Variants in KIAA1958 observed in about 807,000 individuals in gnomAD.
The protein encoded by KIAA1958 is uncharacterized protein KIAA1958.
Under a neutral mutation model 47.2 loss-of-function variants are expected in KIAA1958, and 14 were observed. That is an observed-to-expected ratio of 0.30 (90% confidence interval 0.20 to 0.46). The LOEUF (loss-of-function observed/expected upper bound fraction) is 0.46. Ranked by LOEUF, KIAA1958 falls within the 20% of genes least tolerant of loss-of-function variation. The pLI, the probability that KIAA1958 is intolerant of heterozygous loss-of-function variation, is 1.00. For missense variants in KIAA1958, 803 were observed against 909.2 expected, an observed-to-expected ratio of 0.88 and a Z score of 1.50; for synonymous variants, 354 against 353.3, an observed-to-expected ratio of 1.00 and a Z score of -0.02.
intron 1 of KIAA1958, among the ~76,000 whole-genome samples, chr9:112,521,158 A>G (rs1834536351): frequency 6.6e-6 from 1 of 152,136 alleles, no homozygotes; most frequent in South Asian, 2.1e-4. Flanking sequence ...TGTTTTCCTT[A>G]GGTTTTAATG....
At chr9:112,560,391 A>G (rs1469632081) in intron 1 of KIAA1958, among the ~76,000 whole-genome samples, 2 of 151,522 alleles carry the variant, frequency 1.3e-5, no homozygotes, top group Non-Finnish European at 2.9e-5. Flanking sequence ...TTATAGAGAA[A>G]GGGTCTCCAG....
In KIAA1958 at chr9:112,574,951, T is replaced by G; in HGVS notation, c.871T>G (p.Ser291Ala). 2 of 1,614,128 alleles carry G rather than the reference T, an allele frequency of 1.2e-6. No homozygotes were observed. Among genetic ancestry groups the G allele is most frequent in the Non-Finnish European group, 8.5e-7 (1 of 1,180,014 alleles). The change falls in exon 2 of 4, where the codon TCA becomes GCA. Residue 291 changes from serine to alanine, a missense_variant. Ser to Ala is a moderately conservative substitution (Grantham distance 99). Coordinates refer to ENST00000337530, the MANE Select transcript of KIAA1958 (RefSeq NM_133465.4). ...GAAGACTGCTAGGGTATCTCTGGCT[T>G]CACCAAACAGAGGACCCCCTGGTAC... Reference protein sequence around the residue: ...VQKTARVSLASPNRGPPGTHG... With the variant: ...VQKTARVSLAAPNRGPPGTHG...
intron 1 of KIAA1958, among the ~76,000 whole-genome samples, chr9:112,546,111 A>G (rs1466735475): frequency 1.3e-5 from 2 of 152,138 alleles, no homozygotes; most frequent in African/African-American, 4.8e-5. Flanking sequence ...ACAGGTCATA[A>G]AGACCCCACT....
chr9:112,490,075 C>T (rs1316536484), intron 1 of KIAA1958, among the ~76,000 whole-genome samples: 2 of 152,176 alleles, frequency 1.3e-5, no homozygotes, highest in Non-Finnish European at 2.9e-5. Flanking sequence ...CAGCTTTTAT[C>T]ATCATCCTGC....
chr9:112,591,576 G>T (rs952913454), intron 2 of KIAA1958, among the ~76,000 whole-genome samples: 1 of 151,576 alleles, frequency 6.6e-6, no homozygotes, highest in African/African-American at 2.4e-5. Flanking sequence ...TAACTGTCAT[G>T]TTAGACTACA....
In KIAA1958 at chr9:112,659,250, T is replaced by A. The variant is rs1412291184; in HGVS notation, c.1345-13T>A. The A allele has an allele frequency of 6.2e-7, 1 of 1,602,384 alleles. No homozygotes were observed. The highest frequency in any genetic ancestry group is 1.1e-5 in the South Asian group (1 of 89,812). On this transcript the variant is annotated splice_polypyrimidine_tract_variant and intron_variant, in intron 3 of 3. Transcript: ENST00000337530. ...GTGTCAAGTGTGTAACCTCCGTGTTTGTCTCATTTGAGATCCCTGCAGTGA... is the reference window on the plus strand; with the variant it reads ...GTGTCAAGTGTGTAACCTCCGTGTTAGTCTCATTTGAGATCCCTGCAGTGA...
At chr9:112,501,376 A>G (rs1834135330) in intron 1 of KIAA1958, among the ~76,000 whole-genome samples, 1 of 152,118 alleles carries the variant, frequency 6.6e-6, no homozygotes. Context: ...CCAGGAGTTC[A>G]AGGCCATGGT....
intron 1 of KIAA1958, among the ~76,000 whole-genome samples, chr9:112,553,432 G>T (rs4978499): frequency 6.6e-6 from 1 of 152,174 alleles, no homozygotes; most frequent in Admixed American, 6.5e-5. Flanking sequence ...TCCTGCTTCA[G>T]TGTGCTGGGA....
intron 2 of KIAA1958, among the ~76,000 whole-genome samples, chr9:112,602,617 T>G (rs1016968528): frequency 6.6e-5 from 10 of 152,156 alleles, no homozygotes; most frequent in African/African-American, 2.4e-4. Flanking sequence ...GCTTTTTTCC[T>G]TATTCTGTTA....
chr9:112,661,238 A>G lies in KIAA1958; in HGVS notation c.*1169A>G, dbSNP rs971334906. The G allele has an allele frequency of 1.3e-5, 2 of 152,260 alleles. No individual in the cohort carries two copies. The highest frequency in any genetic ancestry group is 4.8e-5 in the African/African-American group (2 of 41,478). 9.4% of individuals were successfully genotyped at this position (152,260 alleles called of 1,614,324 possible). A position where few individuals can be genotyped will look rare whatever the true frequency, so the allele number is the denominator to read the frequency against. ...GCATTAAGGATGTAGTTATAAAATT[A>G]GCGCATAATGGTAGGTAATGCAGTT... On this transcript the variant is annotated 3_prime_UTR_variant, in exon 4 of 4. Coordinates refer to ENST00000337530, the MANE Select transcript of KIAA1958 (RefSeq NM_133465.4).
At chr9:112,657,638 C>T (rs1837172512) in intron 3 of KIAA1958, among the ~76,000 whole-genome samples, 1 of 152,022 alleles carries the variant, frequency 6.6e-6, no homozygotes, top group Admixed American at 6.6e-5. Flanking sequence ...TGTTACCTGT[C>T]CAGTGTCTAC....
Position 112,618,410 on chromosome 9 carries a change from C to T in KIAA1958, c.1172-27240C>T, listed in dbSNP as rs914202754. 8 of 1,551,184 alleles carry T rather than the reference C, an allele frequency of 5.2e-6. No individual in the cohort carries two copies. The highest frequency in any genetic ancestry group is 6.1e-6 in the Non-Finnish European group (7 of 1,147,118). ...ATCTACCTTAAAATGGGGTGATATCCGGCTCCGGGTAACAGAGACGGGTCT... is the reference window on the plus strand; with the variant it reads ...ATCTACCTTAAAATGGGGTGATATCTGGCTCCGGGTAACAGAGACGGGTCT... On this transcript the variant is annotated intron_variant, in intron 2 of 3. Transcript: ENST00000337530. The surrounding 1 kb of genome is among the most constrained non-coding windows in gnomAD (Gnocchi z 7.1).
chr9:112,545,746 T>A (rs1042822384), intron 1 of KIAA1958, among the ~76,000 whole-genome samples: 1 of 151,916 alleles, frequency 6.6e-6, no homozygotes, highest in African/African-American at 2.4e-5. Flanking sequence ...TTTTATTTTC[T>A]TTTTGGGTCC....
intron 2 of KIAA1958, among the ~76,000 whole-genome samples, chr9:112,599,220 A>T (rs1836087440): frequency 6.6e-6 from 1 of 152,164 alleles, no homozygotes; most frequent in Admixed American, 6.5e-5. Context: ...AAAATTTTAT[A>T]TTAACCATAT....
At chr9:112,589,443 T>C (rs1835882232) in intron 2 of KIAA1958, among the ~76,000 whole-genome samples, 2 of 152,016 alleles carry the variant, frequency 1.3e-5, no homozygotes, top group Non-Finnish European at 2.9e-5. Context: ...GAGTACAAAA[T>C]TAGCTGGGCA....
chr9:112,545,982 C>T (rs1158315157), intron 1 of KIAA1958, among the ~76,000 whole-genome samples: 5 of 151,698 alleles, frequency 3.3e-5, no homozygotes, highest in East Asian at 3.9e-4. Context: ...TTTAGAGCAT[C>T]TAGTAGTAGA....
intron 1 of KIAA1958, among the ~76,000 whole-genome samples, chr9:112,544,340 A>G (rs887651543): frequency 4.6e-5 from 7 of 152,220 alleles, no homozygotes; most frequent in African/African-American, 1.4e-4. Context: ...TTGCTTTCGC[A>G]CTATAACTCA....
At chr9:112,503,836 C>G (rs1386188339) in intron 1 of KIAA1958, among the ~76,000 whole-genome samples, 2 of 151,816 alleles carry the variant, frequency 1.3e-5, no homozygotes, top group Admixed American at 6.6e-5. Flanking sequence ...CTTCCCTGAT[C>G]ATGACTGTCA....
At chr9:112,641,377 A>T (rs1337036352) in intron 2 of KIAA1958, among the ~76,000 whole-genome samples, 6 of 73,370 alleles carry the variant, frequency 8.2e-5, no homozygotes, top group Admixed American at 2.8e-4. Context: ...GAGAAATCTG[A>T]TTCTTCTCGC....
Sources: gnomAD v4.1 joint callset for allele counts (sites outside exome capture counted in the v4.1 genomes callset) on GRCh38, gnomAD v4.1.1 for gene constraint, Gnocchi (gnomAD v3.1) non-coding constraint, MANE v1.5 for transcripts, NCBI Gene and HGNC (gene_info 2026-07-23, HGNC 2026-07-21) for gene names.